BCL6: variants seen among roughly 807,000 people sequenced by gnomAD.
BCL6 encodes BCL6 transcription repressor.
In BCL6, 7 loss-of-function variants were observed where a neutral mutation model predicts 59.5. That is an observed-to-expected ratio of 0.12 (90% confidence interval 0.07 to 0.22). The LOEUF is 0.22. Ranked by LOEUF, BCL6 falls within the 10% of genes least tolerant of loss-of-function variation. The pLI, the probability that BCL6 is intolerant of heterozygous loss-of-function variation, is 1.00. For missense variants in BCL6, 685 were observed against 939.4 expected (o/e 0.73, Z 3.54); for synonymous variants, 339 against 349.7 (o/e 0.97, Z 0.34).
intron 4 of BCL6, among the ~76,000 whole-genome samples, 194 bp from the exon 5 acceptor site, chr3:187,730,215 A>C (rs769261699): frequency 6.6e-6 from 1 of 152,236 alleles, no homozygotes; most frequent in African/African-American, 2.4e-5. Flanking sequence ...AATTGGGAAG[A>C]CTGAGTCCCA....
intron 1 of BCL6, chr3:187,737,752 C>CTCT: frequency 1.2e-5 from 1 of 83,404 alleles, no homozygotes; most frequent in African/African-American, 4.6e-5. Flanking sequence ...GTGTGTATGC[C>CTCT]TTTTTTTTTT....
chr3:187,744,752 G>C (rs1423884572), intron 1 of BCL6, among the ~76,000 whole-genome samples: 1 of 152,100 alleles, frequency 6.6e-6, no homozygotes, highest in African/African-American at 2.4e-5. Flanking sequence ...ACAGGGGAAG[G>C]GAAGGAAGAA....
intron 1 of BCL6, among the ~76,000 whole-genome samples, chr3:187,739,613 A>G (rs2108478254): frequency 6.6e-6 from 1 of 152,332 alleles, no homozygotes; most frequent in South Asian, 2.1e-4. Context: ...AGGAAATGCA[A>G]TAAAACAGAG....
intron 6 of BCL6, among the ~76,000 whole-genome samples, chr3:187,727,754 G>C (rs752503986): frequency 2.0e-5 from 3 of 152,224 alleles, no homozygotes; most frequent in Non-Finnish European, 2.9e-5. Flanking sequence ...ATTTTACCCT[G>C]ATTAGGTACT....
intron 1 of BCL6, among the ~76,000 whole-genome samples, chr3:187,740,698 CAG>C (rs1711554249): frequency 6.6e-6 from 1 of 152,208 alleles, no homozygotes; most frequent in Non-Finnish European, 1.5e-5. Context: ...AACTGCAAAA[CAG>C]AGTTGTACGT....
intron 1 of BCL6, among the ~76,000 whole-genome samples, chr3:187,744,738 A>C (rs554661066): frequency 2.6e-5 from 4 of 152,120 alleles, no homozygotes; most frequent in South Asian, 2.1e-4. Context: ...AGTTACCCAG[A>C]AGGACAGGGG....
chr3:187,722,547 G>A lies in BCL6; in HGVS notation c.2032C>T (p.Arg678Cys), dbSNP rs1718475404. ...TTGGTGATGGCGCCATGCTTCTGGC[G>A]CAAGTGAAGTCGCAGCTGGCTTTTG... Reference protein sequence around the residue: ...RHKSQLRLHLRQKHGAITNTK... With the variant: ...RHKSQLRLHLCQKHGAITNTK... Residue 678 changes from arginine to cysteine, a missense_variant, in exon 10 of 10, where the codon CGC becomes TGC. Transcript: ENST00000406870. 1 of 1,613,930 alleles carries A rather than the reference G, an allele frequency of 6.2e-7. No individual in the cohort carries two copies. Among genetic ancestry groups the A allele is most frequent in the Non-Finnish European group, 8.5e-7 (1 of 1,179,920 alleles).
intron 1 of BCL6, among the ~76,000 whole-genome samples, chr3:187,744,175 A>G (rs2108483034): frequency 6.6e-6 from 1 of 152,310 alleles, no homozygotes; most frequent in East Asian, 1.9e-4. Flanking sequence ...ATTGGGAGCC[A>G]ACACAGAGTC....
chr3:187,744,059 A>C (rs1416356564), intron 1 of BCL6, among the ~76,000 whole-genome samples: 2 of 152,084 alleles, frequency 1.3e-5, no homozygotes, highest in African/African-American at 4.8e-5. Flanking sequence ...GGACCTCGGG[A>C]ATCTGAAGCC....
chr3:187,727,081 CAG>C (rs975643209), intron 6 of BCL6, among the ~76,000 whole-genome samples, 183 bp from the exon 7 acceptor site: 3 of 152,158 alleles, frequency 2.0e-5, no homozygotes, highest in African/African-American at 7.2e-5. Context: ...TCTTATCATT[CAG>C]AGTCTTAGCC....
At chr3:187,737,390 AG>A (rs1719339870) in intron 1 of BCL6, 5 of 146,340 alleles carry the variant, frequency 3.4e-5, no homozygotes, top group South Asian at 2.2e-4. Context: ...AGAGAGAGAG[AG>A]AGAGAAAATG....
chr3:187,736,719 T>C (rs1173706032), intron 1 of BCL6: 1 of 151,602 alleles, frequency 6.6e-6, no homozygotes, highest in Non-Finnish European at 1.5e-5. Flanking sequence ...AGTTCACTCC[T>C]TTGCAAGCCA....
At chr3:187,728,304 T>C (rs1241477407) in intron 6 of BCL6, 56 bp downstream of exon 6, 6 of 1,471,780 alleles carry the variant, frequency 4.1e-6, no homozygotes, top group Admixed American at 2.2e-5. Context: ...ACAAAACCTA[T>C]GGAGCAGAGG....
intron 1 of BCL6, among the ~76,000 whole-genome samples, chr3:187,738,802 C>A (rs1245728182): frequency 2.0e-5 from 3 of 152,164 alleles, no homozygotes; most frequent in Non-Finnish European, 4.4e-5. Context: ...GAGCCTTTGG[C>A]CTCAAAATCC....
Position 187,729,617 on chromosome 3 carries a change from T to A in BCL6, c.788A>T (p.Glu263Val), listed in dbSNP as rs1411351491. The A allele has an allele frequency of 6.2e-7, 1 of 1,614,174 alleles. No individual in the cohort carries two copies. ...ACTTCGTGCCTCTTCTGGGATTGTT[T>A]CCTTGGGTGAATAGATATTGCTGTG... is the stretch of plus-strand genomic sequence containing the variant. Reference protein sequence around the residue: ...VCHSNIYSPKETIPEEARSDM... With the variant: ...VCHSNIYSPKVTIPEEARSDM... Residue 263 changes from glutamate (E) to valine (V), a missense_variant, in exon 5 of 10, where the codon GAA becomes GTA. This residue lies in a region of BCL6 where 268 missense variants were observed against 263.8 expected (regional missense o/e 1.02). Transcript: ENST00000406870. This position sits in a 1 kb window ranked among gnomAD's most constrained non-coding sequence, Gnocchi z 5.6.
intron 1 of BCL6, among the ~76,000 whole-genome samples, chr3:187,739,165 C>T (rs1046957616): frequency 2.0e-5 from 3 of 152,178 alleles, no homozygotes; most frequent in African/African-American, 7.2e-5. Context: ...TATTGGTAAT[C>T]TAATAACTCC....
rs1389762502 is a variant in BCL6 at position 187,725,265 on chromosome 3, A to T, written c.1840-187T>A. On this transcript the variant is annotated intron_variant, in intron 8 of 9. Coordinates refer to ENST00000406870, the MANE Select transcript of BCL6 (RefSeq NM_001706.5). This position sits in a 1 kb window ranked among gnomAD's most constrained non-coding sequence, Gnocchi z 4.7. ...TGCCCACTCCTCTGCTCACCTGCCC[A>T]CTCTGCTCACCTACCCGCTCTGCTC... 7.0e-6 allele frequency among the ~76,000 whole-genome samples: 1 copy of T among 142,336 alleles called. No individual in the cohort carries two copies. Among genetic ancestry groups the T allele is most frequent in the East Asian group, 2.1e-4 (1 of 4,798 alleles). The allele number at this position is 142,336 out of a possible 152,430, so 93.4% of individuals were successfully genotyped here.
chr3:187,725,426 G>C lies in BCL6; in HGVS notation c.1839+73C>G. The C allele has an allele frequency of 6.3e-7, 1 of 1,578,980 alleles. No individual in the cohort carries two copies. Among genetic ancestry groups the C allele is most frequent in the Non-Finnish European group, 8.6e-7 (1 of 1,162,108 alleles). ...CACTTGCCTGCCCACTCCTCCGCTT[G>C]CCTGCCCACTCCTCCGCTCGCCTGC... On this transcript the variant is annotated intron_variant, in intron 8 of 9. Coordinates refer to ENST00000406870, the MANE Select transcript of BCL6 (RefSeq NM_001706.5). This position sits in a 1 kb window ranked among gnomAD's most constrained non-coding sequence, Gnocchi z 4.7.
chr3:187,722,858 C>T (rs1042891345), intron 9 of BCL6, among the ~76,000 whole-genome samples: 1 of 152,214 alleles, frequency 6.6e-6, no homozygotes, highest in African/African-American at 2.4e-5. Flanking sequence ...GCCTTAACTC[C>T]ACAAGTTTGA....
Sources: allele counts gnomAD v4.1 joint callset (sites outside exome capture counted in the v4.1 genomes callset), GRCh38; gene constraint gnomAD v4.1.1; regional missense constraint gnomAD v4.1.1; non-coding constraint Gnocchi (gnomAD v3.1); transcripts MANE v1.5; gene names NCBI Gene and HGNC (gene_info 2026-07-23, HGNC 2026-07-21).